Variants in C12orf76 observed in about 807,000 individuals in gnomAD.
C12orf76 encodes uncharacterized protein C12orf76.
A neutral mutation model predicts 6.8 loss-of-function variants in C12orf76; 6 were observed. The observed-to-expected ratio is 0.88, with a 90% confidence interval of 0.48 to 1.73. The LOEUF (loss-of-function observed/expected upper bound fraction) is 1.73. C12orf76 is among the 40% of genes most tolerant of loss of function. The pLI, the probability that C12orf76 is intolerant of heterozygous loss-of-function variation, is 0.01. For missense variants in C12orf76, 99 were observed against 98.2 expected (o/e 1.01, Z -0.03); for synonymous variants, 56 against 43.7 (o/e 1.28, Z -1.11).
chr12:110,060,568 G>A (rs1301710695), intron 2 of C12orf76, among the ~76,000 whole-genome samples: 1 of 151,990 alleles, frequency 6.6e-6, no homozygotes, highest in Non-Finnish European at 1.5e-5. Context: ...GGATCTCTGT[G>A]GCTACTCCTT....
At chr12:110,072,514 T>A (rs1290308284), upstream of C12orf76, among the ~76,000 whole-genome samples, 1 of 151,456 alleles carries the variant, frequency 6.6e-6, no homozygotes, top group South Asian at 2.1e-4. Context: ...TTTGAGTTGA[T>A]GAAAATATTC....
upstream of C12orf76, chr12:110,051,205 G>C: frequency 1.3e-6 from 1 of 774,942 alleles, no homozygotes; most frequent in South Asian, 1.3e-5. Flanking sequence ...GGGAGGCATA[G>C]CACAGTGGGG....
At chr12:110,057,214 C>T in exon 4 of C12orf76, 1 of 1,613,812 alleles carries the variant, frequency 6.2e-7, no homozygotes, top group Non-Finnish European at 8.5e-7. Flanking sequence ...AGGATGGGCC[C>T]CATGCCAGCA....
rs551050762 is a variant in C12orf76 at position 110,054,605 on chromosome 12, A to G, written n.664+2584T>C. Among the ~76,000 whole-genome samples, 5 of 152,316 alleles carry G rather than the reference A, an allele frequency of 3.3e-5. No homozygotes were observed. The South Asian group carries it at 1.0e-3, about 32-fold the overall frequency. ...CATGGGGTGTCCTTTTGGGGTGATG[A>G]AAATGATCTGGAACTAGATGTGGTG... is the stretch of plus-strand genomic sequence containing the variant. On this transcript the variant is annotated intron_variant and non_coding_transcript_variant, in intron 4 of 4. Coordinates refer to the C12orf76 transcript ENST00000309050. The surrounding 1 kb of genome is among the most constrained non-coding windows in gnomAD (Gnocchi z 4.4).
chr12:110,057,810 T>TC (rs548732308), intron 3 of C12orf76, among the ~76,000 whole-genome samples: 70 of 152,182 alleles, frequency 4.6e-4, no homozygotes, highest in Admixed American at 8.5e-4. Flanking sequence ...ACGCCTGTAA[T>TC]CCCAGCACTT....
At chr12:110,073,002 T>C (rs1892978851) in intron 1 of C12orf76, among the ~76,000 whole-genome samples, 1 of 151,660 alleles carries the variant, frequency 6.6e-6, no homozygotes, top group African/African-American at 2.4e-5. Context: ...AGGCAGGTGT[T>C]GGTGACCTGA....
chr12:110,067,588 ATCT>A (rs1673928460), exon 1 of C12orf76: 1 of 985,298 alleles, frequency 1.0e-6, no homozygotes, highest in Admixed American at 6.2e-5. Flanking sequence ...CTGCTCCGTC[ATCT>A]TCTCGAACTC....
upstream of C12orf76, chr12:110,051,078 C>G: frequency 1.3e-6 from 1 of 780,556 alleles, no homozygotes. Flanking sequence ...TCTCCTCTTT[C>G]ACTTCTGCTG....
Position 110,066,063 on chromosome 12 carries a change from G to T in C12orf76, n.207-30C>A, listed in dbSNP as rs535917944. ...GTGTCAAGGGTGGGATGAGAATGTG[G>T]CAGACCTCATGTTTCTATTTCCCCG... On this transcript the variant is annotated intron_variant and non_coding_transcript_variant, in intron 1 of 4. Transcript: ENST00000309050. 20 of 1,506,090 alleles carry T rather than the reference G, an allele frequency of 1.3e-5. No individual in the cohort carries two copies. In the South Asian group the frequency reaches 2.1e-4, roughly 16 times the overall value. The allele number at this position is 1,506,090 out of a possible 1,614,324, so 93.3% of individuals were successfully genotyped here. A position where few individuals can be genotyped will look rare whatever the true frequency, so the allele number is the denominator to read the frequency against.
rs969320266 is a variant in C12orf76 at position 110,042,529 on chromosome 12, T to A, written c.134-70A>T. On this transcript the variant is annotated intron_variant, in intron 1 of 1. Coordinates refer to ENST00000615315, the MANE Select transcript of C12orf76 (RefSeq NM_001389625.1). ...AGGCAATTCATCCACTCACTGCCAA[T>A]GATTTATCAAATGCCACTTGCTGCC... 4.0e-6 allele frequency: 4 copies of A among 988,508 alleles called. No individual in the cohort carries two copies. In the African/African-American group the frequency reaches 4.7e-5, roughly 12 times the overall value. 61.2% of individuals were successfully genotyped at this position (988,508 alleles called of 1,614,324 possible).
At chr12:110,070,258 A>G (rs929898924), upstream of C12orf76, among the ~76,000 whole-genome samples, 2 of 149,032 alleles carry the variant, frequency 1.3e-5, no homozygotes, top group Admixed American at 6.7e-5. Context: ...AAAGAAAAAG[A>G]AAAAGAAAAG....
chr12:110,051,028 A>C, upstream of C12orf76: 1 of 778,044 alleles, frequency 1.3e-6, no homozygotes, highest in Non-Finnish European at 2.4e-6. Context: ...TGCCATGTTA[A>C]AGACACTGTG....
At chr12:110,058,618 T>A (rs1440601037) in intron 3 of C12orf76, among the ~76,000 whole-genome samples, 4 of 151,988 alleles carry the variant, frequency 2.6e-5, no homozygotes, top group East Asian at 1.9e-4. Context: ...TGAGCCGAGA[T>A]CATGCCACTG....
chr12:110,053,987 A>C (rs762025148), upstream of C12orf76, among the ~76,000 whole-genome samples: 3 of 151,968 alleles, frequency 2.0e-5, no homozygotes, highest in Non-Finnish European at 4.4e-5. Context: ...AGGTGGGAGG[A>C]TTGCTTGGGC....
intron 2 of C12orf76, among the ~76,000 whole-genome samples, chr12:110,063,030 C>T (rs149710409): frequency 0.023 from 3,425 of 151,766 alleles, 136 homozygotes; most frequent in African/African-American, 0.078. Context: ...ACCTCCGCCT[C>T]CCAGGTTCAA....
At chr12:110,042,728 G>A (rs1329417006) in intron 1 of C12orf76, 5 of 631,268 alleles carry the variant, frequency 7.9e-6, no homozygotes, top group Admixed American at 2.5e-5. Flanking sequence ...CAGCAAGAAG[G>A]GGGGACAGTC....
At chr12:110,046,545 A>G (rs912649770) in intron 1 of C12orf76, among the ~76,000 whole-genome samples, 1 of 152,250 alleles carries the variant, frequency 6.6e-6, no homozygotes, top group African/African-American at 2.4e-5. Context: ...ACATAGCCCT[A>G]CTGTGCATGA....
chr12:110,051,380 G>A, upstream of C12orf76: 1 of 655,516 alleles, frequency 1.5e-6, no homozygotes, highest in Non-Finnish European at 2.8e-6. Flanking sequence ...CCTTTGCCCA[G>A]TATCTGGCAC....
chr12:110,055,662 C>G (rs145181483), intron 4 of C12orf76, among the ~76,000 whole-genome samples: 103 of 152,192 alleles, frequency 6.8e-4, no homozygotes, highest in African/African-American at 2.4e-3. Flanking sequence ...TATTATTACT[C>G]AAATCTGTCT....
Sources: gnomAD v4.1 joint callset for allele counts (sites outside exome capture counted in the v4.1 genomes callset) on GRCh38, gnomAD v4.1.1 for gene constraint, Gnocchi (gnomAD v3.1) non-coding constraint, MANE v1.5 for transcripts, NCBI Gene and HGNC (gene_info 2026-07-23, HGNC 2026-07-21) for gene names.